The following TOP1MT variants were observed in gnomAD, a reference collection of about 807,000 sequenced individuals.
TOP1MT encodes the protein DNA topoisomerase I mitochondrial.
In TOP1MT, 80 loss-of-function variants were observed where a neutral mutation model predicts 73.9. That is an observed-to-expected ratio of 1.08 (90% CI 0.90 to 1.30). The LOEUF is 1.30. Among genes scored for constraint, TOP1MT ranks in the 50% most tolerant of loss-of-function variants. The probability of loss-of-function intolerance (pLI) is 0.00; values close to 1 mark genes in which losing one functional copy is unlikely to be tolerated. For missense variants in TOP1MT, 815 were observed against 808.0 expected, an observed-to-expected ratio of 1.01 and a Z score of -0.10; for synonymous variants, 338 against 326.4, an observed-to-expected ratio of 1.04 and a Z score of -0.38.
upstream of TOP1MT, among the ~76,000 whole-genome samples, chr8:143,336,139 G>A (rs904718748): frequency 2.0e-5 from 3 of 152,232 alleles, no homozygotes; most frequent in Admixed American, 6.5e-5. Flanking sequence ...GTGTTTTCCA[G>A]TTCAGGTTTC....
rs1362533844 is a variant in TOP1MT, at chr8:143,323,739, C to CCA, written c.960+258_960+259dup. The stretch of plus-strand genomic sequence containing the variant: ...CATGCACGCCACACACACATGCACG[C>CCA]CACACACATGCACGCCCCACACAGA... On this transcript the variant is annotated intron_variant, in intron 7 of 13. Coordinates refer to ENST00000329245, the MANE Select transcript of TOP1MT (RefSeq NM_052963.3). Among the ~76,000 whole-genome samples, 5 of 60,712 alleles carry CCA rather than the reference C, an allele frequency of 8.2e-5. 2 individuals are homozygous for CCA. The highest frequency in any genetic ancestry group is 1.7e-4 in the Non-Finnish European group (5 of 29,880). 39.8% of individuals were successfully genotyped at this position (60,712 alleles called of 152,430 possible). A position where few individuals can be genotyped will look rare whatever the true frequency, so the allele number is the denominator to read the frequency against.
chr8:143,314,979 A>C (rs1316735880), intron 12 of TOP1MT, among the ~76,000 whole-genome samples: 1 of 152,202 alleles, frequency 6.6e-6, no homozygotes, highest in African/African-American at 2.4e-5. Flanking sequence ...GGGCCACCAG[A>C]GGGCTCCTTG....
chr8:143,315,430 T>C (rs972532845), intron 12 of TOP1MT, among the ~76,000 whole-genome samples: 1 of 152,130 alleles, frequency 6.6e-6, no homozygotes, highest in African/African-American at 2.4e-5. Context: ...CCACGTGATC[T>C]CACCTATCAC....
chr8:143,326,993 G>A (rs539307462), intron 3 of TOP1MT, among the ~76,000 whole-genome samples: 1 of 152,310 alleles, frequency 6.6e-6, no homozygotes, highest in Admixed American at 6.5e-5. Context: ...CAGAAGGACA[G>A]AAGGGGCCCA....
intron 2 of TOP1MT, among the ~76,000 whole-genome samples, chr8:143,342,527 G>C (rs1179696971): frequency 8.8e-5 from 9 of 102,254 alleles, no homozygotes; most frequent in Non-Finnish European, 1.5e-4. Context: ...ATTAGAGACA[G>C]AGTCTCGCTC....
chr8:143,318,211 A>G, intron 8 of TOP1MT, 125 bp from the exon 9 acceptor site: 5 of 773,034 alleles, frequency 6.5e-6, no homozygotes, highest in Non-Finnish European at 8.8e-6. Context: ...CCCGAGCAGC[A>G]TCACCGTCAC....
chr8:143,323,277 A>G (rs1816580880), intron 7 of TOP1MT, among the ~76,000 whole-genome samples: 1 of 119,650 alleles, frequency 8.4e-6, no homozygotes, highest in African/African-American at 3.7e-5. Flanking sequence ...CACGCCACAC[A>G]CGCACGCCAC....
chr8:143,310,431 G>T, intron 12 of TOP1MT: 2 of 463,332 alleles, frequency 4.3e-6, no homozygotes, highest in Non-Finnish European at 7.6e-6. Flanking sequence ...AGGGCCGTGG[G>T]CGGAGGGTGA....
chr8:143,324,521 G>T lies in TOP1MT; in HGVS notation c.780C>A (p.Ile260=). ...AAWTESVQNS[I]KYIMLNPCSK... ...AGCAAGGGTTCAGCATGATGTACTT[G>T]ATGGAGTTCTGAACGCTCTCGGTCC... is the stretch of plus-strand genomic sequence containing the variant. The change falls in exon 6 of 14, where the codon ATC becomes ATA. Residue 260 remains isoleucine (I), a synonymous_variant. Coordinates refer to ENST00000329245, the MANE Select transcript of TOP1MT (RefSeq NM_052963.3). 2 of 1,613,994 alleles carry T rather than the reference G, an allele frequency of 1.2e-6. No homozygotes were observed. The highest frequency in any genetic ancestry group is 1.7e-6 in the Non-Finnish European group (2 of 1,180,028).
chr8:143,329,528 C>A, intron 2 of TOP1MT, 57 bp from the exon 3 acceptor site: 1 of 1,576,218 alleles, frequency 6.3e-7, no homozygotes, highest in Non-Finnish European at 8.6e-7. Context: ...CGGCCTCCAG[C>A]TGACATGACC....
chr8:143,345,895 G>T (rs1817212253), upstream of TOP1MT, among the ~76,000 whole-genome samples: 1 of 152,334 alleles, frequency 6.6e-6, no homozygotes, highest in South Asian at 2.1e-4. Flanking sequence ...GTCTGATTCT[G>T]CCCTATCAGC....
chr8:143,318,404 T>C (rs1455868504), intron 8 of TOP1MT, among the ~76,000 whole-genome samples: 1 of 152,214 alleles, frequency 6.6e-6, no homozygotes, highest in African/African-American at 2.4e-5. Flanking sequence ...TTCCACCAGG[T>C]GAGCCCACAC....
chr8:143,345,497 G>A (rs1366652985), upstream of TOP1MT, among the ~76,000 whole-genome samples: 2 of 152,228 alleles, frequency 1.3e-5, no homozygotes, highest in Non-Finnish European at 2.9e-5. Context: ...TGCCACGCGC[G>A]GCTGGGAGGT....
chr8:143,309,638 G>A, intron 13 of TOP1MT, 95 bp from the exon 14 acceptor site: 1 of 1,573,234 alleles, frequency 6.4e-7, no homozygotes, highest in Non-Finnish European at 8.6e-7. Context: ...CCTCCATGCA[G>A]CAGAGACACC....
Position 143,341,733 on chromosome 8 carries a change from C to G in TOP1MT, c.29+1487G>C, listed in dbSNP as rs1449018758. Among the ~76,000 whole-genome samples, 2 of 152,204 alleles carry G rather than the reference C, an allele frequency of 1.3e-5. No individual in the cohort carries two copies. Among genetic ancestry groups the G allele is most frequent in the Admixed American group, 1.3e-4 (2 of 15,282 alleles). On this transcript the variant is annotated intron_variant, in intron 2 of 5. Transcript: ENST00000518007. The surrounding 1 kb of genome is among the most constrained non-coding windows in gnomAD (Gnocchi z 4.1). ...AGGCCGCAACAGGCCATACTGCCAG[C>G]GTCCACCCTGACCCAGACACAAAAC...
chr8:143,324,990 A>G (rs147898940), intron 5 of TOP1MT, among the ~76,000 whole-genome samples: 6 of 152,276 alleles, frequency 3.9e-5, no homozygotes, highest in African/African-American at 9.6e-5. Context: ...CACACAGTAC[A>G]ACATGTGGCC....
upstream of TOP1MT, among the ~76,000 whole-genome samples, chr8:143,357,432 A>G (rs1817430820): frequency 6.6e-6 from 1 of 151,942 alleles, no homozygotes; most frequent in Non-Finnish European, 1.5e-5. Flanking sequence ...GTTCGAGAGT[A>G]AAAACAAAAA....
At chr8:143,334,636 G>C in intron 1 of TOP1MT, 104 bp downstream of exon 1, 1 of 1,496,318 alleles carries the variant, frequency 6.7e-7, no homozygotes, top group Non-Finnish European at 9.0e-7. Context: ...TGGGAAAACC[G>C]GAAGCAGGGC....
chr8:143,342,041 GTTA>G lies in TOP1MT; in HGVS notation c.29+1176_29+1178del, dbSNP rs150443761. Among the ~76,000 whole-genome samples, 82 of 137,434 alleles carry G rather than the reference GTTA, an allele frequency of 6.0e-4. 1 individual carries two copies. Among genetic ancestry groups the G allele is most frequent in the Non-Finnish European group, 9.8e-4 (65 of 66,452 alleles). 90.2% of individuals were successfully genotyped at this position (137,434 alleles called of 152,430 possible). A position where few individuals can be genotyped will look rare whatever the true frequency, so the allele number is the denominator to read the frequency against. ...ATTATATTAGAGACAGAGTCTCGCT[GTTA>G]TTATTATTATTAGAGACAGAGTCTC... On this transcript the variant is annotated intron_variant, in intron 2 of 5. Transcript: ENST00000518007.
Sources: gnomAD v4.1 joint callset for allele counts (sites outside exome capture counted in the v4.1 genomes callset) on GRCh38, gnomAD v4.1.1 for gene constraint, Gnocchi (gnomAD v3.1) non-coding constraint, MANE v1.5 for transcripts, NCBI Gene and HGNC (gene_info 2026-07-23, HGNC 2026-07-21) for gene names.